GRM8: variants seen among roughly 807,000 people sequenced by gnomAD.
GRM8 encodes metabotropic glutamate receptor 8.
In GRM8, 47 loss-of-function variants were observed where a neutral mutation model predicts 87.2. The ratio of observed to expected loss-of-function variants is 0.54; its 90% CI spans 0.43 to 0.69. The LOEUF is 0.69. Ranked by LOEUF, GRM8 falls within the 30% of genes least tolerant of loss-of-function variation. The pLI, the probability that GRM8 is intolerant of heterozygous loss-of-function variation, is 0.00. For missense variants in GRM8, 1,019 were observed against 1,139.2 expected (o/e 0.89, Z 1.52); for synonymous variants, 396 against 404.5 (o/e 0.98, Z 0.25).
At chr7:127,215,114 T>G (rs1796443745) in intron 2 of GRM8, 3 of 152,330 alleles carry the variant, frequency 2.0e-5, no homozygotes, top group Admixed American at 1.3e-4. Flanking sequence ...CTGTGAGAAT[T>G]CTAAAGAGCC....
chr7:126,823,272 T>C (rs1189279950), intron 6 of GRM8, among the ~76,000 whole-genome samples: 2 of 152,216 alleles, frequency 1.3e-5, no homozygotes, highest in Non-Finnish European at 2.9e-5. Context: ...TGTAATTGTA[T>C]GGGTAAAATT....
At chr7:127,155,938 T>G (rs1792702181) in intron 2 of GRM8, among the ~76,000 whole-genome samples, 1 of 151,888 alleles carries the variant, frequency 6.6e-6, no homozygotes, top group Non-Finnish European at 1.5e-5. Flanking sequence ...CAGGAGAGGG[T>G]AGTAGAAAAC....
chr7:126,723,095 T>C (rs751890430), intron 7 of GRM8, among the ~76,000 whole-genome samples: 1 of 150,840 alleles, frequency 6.6e-6, no homozygotes, highest in Non-Finnish European at 1.5e-5. Context: ...TTCCCTTTAT[T>C]AATAAAGAAC....
chr7:127,151,293 C>G (rs1828849318), intron 2 of GRM8, among the ~76,000 whole-genome samples: 1 of 152,088 alleles, frequency 6.6e-6, no homozygotes, highest in African/African-American at 2.4e-5. Flanking sequence ...TCAATAAACT[C>G]AACCACCTAA....
chr7:127,045,395 C>T (rs914000932), intron 3 of GRM8, among the ~76,000 whole-genome samples: 3 of 151,576 alleles, frequency 2.0e-5, no homozygotes, highest in African/African-American at 4.9e-5. Flanking sequence ...CTAGCTTTAC[C>T]TTTGTTTTCG....
At chr7:126,519,457 C>A (rs1304413850) in intron 9 of GRM8, among the ~76,000 whole-genome samples, 1 of 151,844 alleles carries the variant, frequency 6.6e-6, no homozygotes, top group African/African-American at 2.4e-5. Context: ...CTTTAAGAAC[C>A]CTTAATAGCA....
chr7:126,626,874 G>A (rs1800760258), intron 7 of GRM8, among the ~76,000 whole-genome samples: 1 of 152,106 alleles, frequency 6.6e-6, no homozygotes, highest in South Asian at 2.1e-4. Flanking sequence ...TTTTTAAAAT[G>A]TAGAACCGTC....
rs551134546 is a variant in GRM8, at chr7:126,977,601, A to G, written c.728-72918T>C. The stretch of plus-strand genomic sequence containing the variant: ...AGAACAGAAGAAGGTCTTTTAACTT[A>G]ATCTTGTAGATAAAATGGATTACAG... On this transcript the variant is annotated intron_variant, in intron 3 of 10. Coordinates refer to ENST00000339582, the MANE Select transcript of GRM8 (RefSeq NM_000845.3). 8.5e-5 allele frequency among the ~76,000 whole-genome samples: 13 copies of G among 152,372 alleles called. No homozygotes were observed. In the South Asian group the frequency reaches 1.2e-3, roughly 15 times the overall value.
At chr7:127,197,727 G>T (rs1795362101) in intron 2 of GRM8, among the ~76,000 whole-genome samples, 1 of 152,120 alleles carries the variant, frequency 6.6e-6, no homozygotes, top group Admixed American at 6.5e-5. Context: ...AACAAACACT[G>T]AAGGAGAACC....
intron 8 of GRM8, among the ~76,000 whole-genome samples, chr7:126,604,736 T>A (rs1183443540): frequency 6.6e-6 from 1 of 152,170 alleles, no homozygotes; most frequent in East Asian, 1.9e-4. Context: ...GCATCTACTA[T>A]TCATAATAAT....
intron 3 of GRM8, among the ~76,000 whole-genome samples, chr7:127,098,166 A>C (rs894155961): frequency 3.9e-5 from 6 of 152,276 alleles, no homozygotes; most frequent in Non-Finnish European, 8.8e-5. Flanking sequence ...TATTAATTAA[A>C]TATGATTTGT....
intron 2 of GRM8, among the ~76,000 whole-genome samples, chr7:127,150,089 AC>A (rs1341337665): frequency 4.6e-5 from 7 of 152,092 alleles, no homozygotes; most frequent in African/African-American, 1.7e-4. Flanking sequence ...CACTATAGTA[AC>A]CTTTTTACTA....
At chr7:126,906,912 C>A (rs534168845) in intron 3 of GRM8, among the ~76,000 whole-genome samples, 208 of 152,276 alleles carry the variant, frequency 1.4e-3, no homozygotes, top group African/African-American at 4.5e-3. Flanking sequence ...TTCATTCCTT[C>A]AGTAAATATT....
chr7:126,661,427 T>C (rs180920523), intron 7 of GRM8, among the ~76,000 whole-genome samples: 2 of 152,336 alleles, frequency 1.3e-5, no homozygotes, highest in Non-Finnish European at 2.9e-5. Context: ...GGTTTCTAAG[T>C]GTACCCTTGT....
At chr7:127,104,303 G>T (rs1459129278) in intron 3 of GRM8, among the ~76,000 whole-genome samples, 2 of 152,222 alleles carry the variant, frequency 1.3e-5, no homozygotes, top group East Asian at 1.9e-4. Flanking sequence ...CATGGTGACA[G>T]ATGTCATCAA....
chr7:126,902,606 C>T lies in GRM8; in HGVS notation c.1092G>A (p.Glu364=). ...ATCCTAACTTGCAGCCAAAATTCTC[C>T]TCCCAGAATTCTGCAAACCACACAT... The part of the protein sequence containing the change: ...RRNVWFAEFW[E]ENFGCKLGSH... Residue 364 remains glutamate (E), a synonymous_variant, in exon 6 of 11, where the codon GAG becomes GAA. Coordinates refer to ENST00000339582, the MANE Select transcript of GRM8 (RefSeq NM_000845.3). 6.2e-7 allele frequency: 1 copy of T among 1,609,510 alleles called. No homozygotes were observed. The highest frequency in any genetic ancestry group is 8.5e-7 in the Non-Finnish European group (1 of 1,177,264).
At chr7:126,477,244 G>A (rs1035222379) in intron 9 of GRM8, among the ~76,000 whole-genome samples, 5 of 151,978 alleles carry the variant, frequency 3.3e-5, no homozygotes, top group Admixed American at 6.6e-5. Context: ...TGGTGGGTGG[G>A]GGAAATGGGG....
chr7:126,772,084 T>C (rs538594828), intron 6 of GRM8, among the ~76,000 whole-genome samples: 1 of 152,260 alleles, frequency 6.6e-6, no homozygotes, highest in Non-Finnish European at 1.5e-5. Flanking sequence ...AAGTAGATCA[T>C]TCATAAGTAA....
intron 1 of GRM8, chr7:127,251,299 C>T (rs1171604983): frequency 1.3e-5 from 2 of 152,206 alleles, no homozygotes; most frequent in African/African-American, 4.8e-5. Flanking sequence ...CTCCGCATTT[C>T]ATTTGCACCA....
Sources: gnomAD v4.1 joint callset for allele counts (sites outside exome capture counted in the v4.1 genomes callset) on GRCh38, gnomAD v4.1.1 for gene constraint, MANE v1.5 for transcripts, NCBI Gene and HGNC (gene_info 2026-07-23, HGNC 2026-07-21) for gene names.